The following STEAP4 variants were observed in gnomAD, a reference collection of about 807,000 sequenced individuals.
STEAP4 encodes STEAP4 metalloreductase.
Under a neutral mutation model 43.6 loss-of-function variants are expected in STEAP4, and 36 were observed. That is an observed-to-expected ratio of 0.83 (90% CI 0.63 to 1.09). The LOEUF (loss-of-function observed/expected upper bound fraction) is 1.09. Among genes scored for constraint, STEAP4 ranks in the 50% least tolerant of loss-of-function variants. The pLI is 0.00. For synonymous variants in STEAP4, 191 were observed against 196.7 expected (o/e 0.97, Z 0.24); for missense variants, 495 against 546.5 (o/e 0.91, Z 0.94).
At chr7:88,287,204 C>T (rs570098455) in intron 1 of STEAP4, among the ~76,000 whole-genome samples, 1 of 152,312 alleles carries the variant, frequency 6.6e-6, no homozygotes, top group East Asian at 1.9e-4. Flanking sequence ...CATTACTTCT[C>T]CACTGCAATT....
intron 1 of STEAP4, among the ~76,000 whole-genome samples, chr7:88,295,893 A>G (rs911446191): frequency 4.6e-5 from 7 of 152,164 alleles, no homozygotes; most frequent in African/African-American, 1.7e-4. Context: ...GAGCTGCAGA[A>G]ACTTCACCTT....
intron 1 of STEAP4, among the ~76,000 whole-genome samples, chr7:88,287,453 A>G (rs541439720): frequency 6.6e-6 from 1 of 152,190 alleles, no homozygotes; most frequent in South Asian, 2.1e-4. Flanking sequence ...GGGGATTGCA[A>G]TGGAGAAGGA....
At chr7:88,305,660 C>T (rs753019639) in intron 1 of STEAP4, among the ~76,000 whole-genome samples, 4 of 152,286 alleles carry the variant, frequency 2.6e-5, no homozygotes, top group East Asian at 1.9e-4. Context: ...GGAGAGTTTC[C>T]TTATAAAAAT....
At chr7:88,299,639 C>T (rs2116021385) in intron 1 of STEAP4, among the ~76,000 whole-genome samples, 1 of 152,220 alleles carries the variant, frequency 6.6e-6, no homozygotes, top group African/African-American at 2.4e-5. Context: ...GTGGGTTTTG[C>T]TTTTCTAGGT....
rs1033785623 is a variant in STEAP4, at chr7:88,278,771, T to A, written c.*627A>T. ...TATGTATCCAAGACATGGATACTTT[T>A]AATCAATTGTAAATTTTTCTTGTGT... On this transcript the variant is annotated 3_prime_UTR_variant, in exon 5 of 5. Transcript: ENST00000380079. The A allele has an allele frequency of 1.3e-5, 2 of 153,862 alleles. No individual in the cohort carries two copies. Among genetic ancestry groups the A allele is most frequent in the African/African-American group, 4.8e-5 (2 of 41,476 alleles). The allele number at this position is 153,862 out of a possible 1,614,324, so 9.5% of individuals were successfully genotyped here.
Position 88,284,122 on chromosome 7 carries a change from G to A in STEAP4, c.148C>T (p.Arg50Ter), listed in dbSNP as rs554141706. The A allele has an allele frequency of 9.3e-6, 15 of 1,614,060 alleles. No homozygotes were observed. The highest frequency in any genetic ancestry group is 2.2e-5 in the South Asian group (2 of 91,082). Residue 50 changes from arginine to a stop codon, truncating the protein, a stop_gained, in exon 2 of 5, where the codon CGA (arginine) becomes TGA (stop). Transcript: ENST00000380079. LOFTEE classifies it high-confidence loss of function. ...AGTAGGGTGGTCTTCTGGGGGTTTC[G>A]ACTTCCAAAAACAACAGAATAACCA... ...QCGYSVVFGSRNPQKTTLLPS... is the reference protein window; with the variant it reads ...QCGYSVVFGS
At chr7:88,293,032 C>A (rs1852862165) in intron 1 of STEAP4, 1 of 152,128 alleles carries the variant, frequency 6.6e-6, no homozygotes, top group South Asian at 2.1e-4. Context: ...GCGATAAAGA[C>A]CCCGGGATAC....
chr7:88,279,523 C>G lies in STEAP4; in HGVS notation c.1255G>C (p.Ala419Pro). Residue 419 changes from alanine to proline, a missense_variant, in exon 5 of 5, where the codon GCC (alanine) becomes CCC (proline). Coordinates refer to ENST00000380079, the MANE Select transcript of STEAP4 (RefSeq NM_024636.4). ...GGAATGATAAGCCCTAACACGTAGG[C>G]TGCAGGAAGATACCATCTGAGATTT... is the stretch of plus-strand genomic sequence containing the variant. ...PSNLRWYLPA[A>P]YVLGLIIPCT... The G allele has an allele frequency of 3.1e-6, 5 of 1,614,154 alleles. No homozygotes were observed. The highest frequency in any genetic ancestry group is 4.2e-6 in the Non-Finnish European group (5 of 1,180,028).
rs1852606820 is a variant in STEAP4 at position 88,280,912 on chromosome 7, T to C, written c.1149+3A>G. Reference sequence around the variant, plus strand: ...AAGTTAGGAATGAACTTGAAGTTCTTACCTGGACAAATCGGAACTCTCTCC... The same window carrying C: ...AAGTTAGGAATGAACTTGAAGTTCTCACCTGGACAAATCGGAACTCTCTCC... On this transcript the variant is annotated splice_donor_region_variant and intron_variant, in intron 4 of 4. Coordinates refer to ENST00000380079, the MANE Select transcript of STEAP4 (RefSeq NM_024636.4). 2 of 1,596,398 alleles carry C rather than the reference T, an allele frequency of 1.3e-6. No homozygotes were observed. Among genetic ancestry groups the C allele is most frequent in the Non-Finnish European group, 1.7e-6 (2 of 1,173,318 alleles).
Position 88,274,267 on chromosome 7 carries a change from A to C in STEAP4, c.*5131T>G, listed in dbSNP as rs530293718. On this transcript the variant is annotated 3_prime_UTR_variant, in exon 5 of 5. Transcript: ENST00000380079. Reference sequence around the variant, plus strand: ...AGATAATGCATGTGAAATTGTTAGCATAGGCTTTACGCATGGCACTCTGCT... The same window carrying C: ...AGATAATGCATGTGAAATTGTTAGCCTAGGCTTTACGCATGGCACTCTGCT... 2 of 152,248 alleles carry C rather than the reference A, an allele frequency of 1.3e-5. No homozygotes were observed. The highest frequency in any genetic ancestry group is 4.8e-5 in the African/African-American group (2 of 41,472). The allele number at this position is 152,248 out of a possible 1,614,324, so 9.4% of individuals were successfully genotyped here.
intron 1 of STEAP4, among the ~76,000 whole-genome samples, chr7:88,299,054 G>A (rs1231458641): frequency 2.0e-5 from 3 of 151,876 alleles, no homozygotes; most frequent in Non-Finnish European, 2.9e-5. Context: ...TGTCATATGC[G>A]GCAACTAAAG....
intron 1 of STEAP4, among the ~76,000 whole-genome samples, chr7:88,289,419 A>G (rs1852799169): frequency 6.6e-6 from 1 of 152,194 alleles, no homozygotes. Context: ...AACCAGACTT[A>G]ATCACTACTC....
intron 1 of STEAP4, chr7:88,292,278 G>A (rs958688986): frequency 6.6e-6 from 1 of 152,100 alleles, no homozygotes; most frequent in Non-Finnish European, 1.5e-5. Context: ...AGCCAGCCTG[G>A]CTGGTGAATT....
At position 88,277,507 on chromosome 7, in the gene STEAP4, A is replaced by G. The variant is rs749291020; in HGVS notation, c.*1891T>C. 7.2e-5 allele frequency: 11 copies of G among 152,214 alleles called. No individual in the cohort carries two copies. Among genetic ancestry groups the G allele is most frequent in the Non-Finnish European group, 1.6e-4 (11 of 68,040 alleles). The allele number at this position is 152,214 out of a possible 1,614,324, so 9.4% of individuals were successfully genotyped here. ...TTAGTAAAAAATGGATATAGTCTAC[A>G]TGTTTAATAAGGAAAGAGGTTTGAA... On this transcript the variant is annotated 3_prime_UTR_variant, in exon 5 of 5. Transcript: ENST00000380079.
chr7:88,302,454 TC>T (rs1853051940), intron 1 of STEAP4, among the ~76,000 whole-genome samples: 1 of 152,196 alleles, frequency 6.6e-6, no homozygotes, highest in Admixed American at 6.5e-5. Flanking sequence ...AAGTAAGTTT[TC>T]CAAAGTCTGT....
Position 88,284,097 on chromosome 7 carries a change from A to C in STEAP4, c.173T>G (p.Leu58Arg). Reference sequence around the variant, plus strand: ...GCTCAAGACTTCTGCACCACTGGGCAGTAGGGTGGTCTTCTGGGGGTTTCG... The same window carrying C: ...GCTCAAGACTTCTGCACCACTGGGCCGTAGGGTGGTCTTCTGGGGGTTTCG... ...GSRNPQKTTLLPSGAEVLSYS... is the reference protein window; with the variant it reads ...GSRNPQKTTLRPSGAEVLSYS... The change falls in exon 2 of 5, where the codon CTG (leucine) becomes CGG (arginine). Residue 58 changes from leucine (L) to arginine (R), a missense_variant. By Grantham distance (102) the Leu-to-Arg change is moderately radical (BLOSUM62 -2). Coordinates refer to ENST00000380079, the MANE Select transcript of STEAP4 (RefSeq NM_024636.4). The C allele has an allele frequency of 6.2e-7, 1 of 1,614,144 alleles. No homozygotes were observed. The highest frequency in any genetic ancestry group is 2.2e-5 in the East Asian group (1 of 44,882).
Position 88,279,009 on chromosome 7 carries a change from T to C in STEAP4, c.*389A>G, listed in dbSNP as rs1852561746. 1 of 201,274 alleles carries C rather than the reference T, an allele frequency of 5.0e-6. No homozygotes were observed. The highest frequency in any genetic ancestry group is 5.3e-5 in the Admixed American group (1 of 18,966). 12.5% of individuals were successfully genotyped at this position (201,274 alleles called of 1,614,324 possible). A position where few individuals can be genotyped will look rare whatever the true frequency, so the allele number is the denominator to read the frequency against. On this transcript the variant is annotated 3_prime_UTR_variant, in exon 5 of 5. Transcript: ENST00000380079. ...TGGTCACCATTGTGCTGTTTTTCCTTTCACTTAACTCAGCCCTTGAGCCAG... is the reference window on the plus strand; with the variant it reads ...TGGTCACCATTGTGCTGTTTTTCCTCTCACTTAACTCAGCCCTTGAGCCAG...
In STEAP4 at chr7:88,273,476, A is replaced by G. The variant is rs1047831755; in HGVS notation, c.*5922T>C. On this transcript the variant is annotated 3_prime_UTR_variant, in exon 5 of 5. Transcript: ENST00000380079. ...ACTGAGAAAAAAATCTCATTTTTAC[A>G]GCTATAGGTAATGGAACTAAGCCTG... 1 of 152,004 alleles carries G rather than the reference A, an allele frequency of 6.6e-6. No homozygotes were observed. Among genetic ancestry groups the G allele is most frequent in the African/African-American group, 2.4e-5 (1 of 41,390 alleles). 9.4% of individuals were successfully genotyped at this position (152,004 alleles called of 1,614,324 possible).
chr7:88,282,662 C>T lies in STEAP4; in HGVS notation c.963G>A (p.Leu321=). Residue 321 remains leucine (L), a synonymous_variant, in exon 3 of 5, where the codon TTG becomes TTA. Coordinates refer to ENST00000380079, the MANE Select transcript of STEAP4 (RefSeq NM_024636.4). ...TTACCTGGGTAACGGTTAAGTTTCC[C>T]AATCTCCATCGTACATAATATCGAA... is the stretch of plus-strand genomic sequence containing the variant. The part of the protein sequence containing the change: ...IPIRYYVRWR[L]GNLTVTQAIL... 1 of 1,612,952 alleles carries T rather than the reference C, an allele frequency of 6.2e-7. No homozygotes were observed. Among genetic ancestry groups the T allele is most frequent in the Non-Finnish European group, 8.5e-7 (1 of 1,179,330 alleles).
Sources: gnomAD v4.1 joint callset for allele counts (sites outside exome capture counted in the v4.1 genomes callset) on GRCh38, gnomAD v4.1.1 for gene constraint, MANE v1.5 for transcripts, NCBI Gene and HGNC (gene_info 2026-07-23, HGNC 2026-07-21) for gene names.